Variants in GABRA2 observed in about 807,000 individuals in gnomAD.
The protein encoded by GABRA2 is gamma-aminobutyric acid type A receptor subunit alpha2.
In GABRA2, 16 loss-of-function variants were observed where a neutral mutation model predicts 48.7. The observed-to-expected ratio is 0.33, with a 90% CI of 0.22 to 0.50. The LOEUF is 0.50. Among genes scored for constraint, GABRA2 ranks in the 20% least tolerant of loss-of-function variants. GABRA2 has a pLI of 0.98. For synonymous variants in GABRA2, 185 were observed against 184.5 expected, an observed-to-expected ratio of 1.00 and a Z score of -0.02; for missense variants, 275 against 535.6, an observed-to-expected ratio of 0.51 and a Z score of 4.80.
chr4:46,354,348 A>T (rs1355961234), intron 3 of GABRA2, among the ~76,000 whole-genome samples: 1 of 152,170 alleles, frequency 6.6e-6, no homozygotes, highest in Non-Finnish European at 1.5e-5. Flanking sequence ...GTGTGTAGGA[A>T]AGGATTTAAG....
intron 3 of GABRA2, among the ~76,000 whole-genome samples, chr4:46,385,452 A>G (rs1052925976): frequency 1.3e-5 from 2 of 151,840 alleles, no homozygotes; most frequent in Non-Finnish European, 2.9e-5. Flanking sequence ...TATTTATTTT[A>G]TTTTTCTGAA....
chr4:46,252,738 A>G (rs1023446634), intron 9 of GABRA2, among the ~76,000 whole-genome samples: 29 of 151,646 alleles, frequency 1.9e-4, no homozygotes, highest in African/African-American at 7.0e-4. Flanking sequence ...TATAACATAT[A>G]GCGTTTATAT....
intron 3 of GABRA2, chr4:46,364,799 G>A (rs1023124158): frequency 6.6e-6 from 1 of 152,134 alleles, no homozygotes; most frequent in Non-Finnish European, 1.5e-5. Flanking sequence ...CTCGGATAAT[G>A]TCCCTTTCTT....
chr4:46,252,279 C>T (rs1714929081), intron 9 of GABRA2, among the ~76,000 whole-genome samples: 1 of 151,418 alleles, frequency 6.6e-6, no homozygotes, highest in Admixed American at 6.6e-5. Flanking sequence ...TTTGTAAAAG[C>T]TACAAAATAT....
chr4:46,356,806 TTATTCACTACCCATAAATAAC>T (rs1736048543), intron 3 of GABRA2, among the ~76,000 whole-genome samples: 1 of 152,120 alleles, frequency 6.6e-6, no homozygotes, highest in African/African-American at 2.4e-5. Flanking sequence ...AGAGGGGACA[TTATTCACTACCCATAAATAAC>T]TATTCACTAC....
At chr4:46,303,162 AAG>A (rs1726041094) in intron 8 of GABRA2, 2 of 274,200 alleles carry the variant, frequency 7.3e-6, no homozygotes, top group Non-Finnish European at 6.8e-6. Context: ...AAAAAAAAAA[AAG>A]AAAATTCACC....
intron 3 of GABRA2, among the ~76,000 whole-genome samples, chr4:46,377,920 G>C: frequency 6.7e-6 from 1 of 150,250 alleles, no homozygotes; most frequent in Admixed American, 6.6e-5. Flanking sequence ...GCCTCTGCCC[G>C]GCCGCCCCTA....
chr4:46,258,134 T>A (rs1030337339), intron 9 of GABRA2, among the ~76,000 whole-genome samples: 1 of 151,744 alleles, frequency 6.6e-6, no homozygotes, highest in Non-Finnish European at 1.5e-5. Flanking sequence ...CCTTGAATAG[T>A]GAAATGAAGG....
chr4:46,354,188 G>A (rs1277384493), intron 3 of GABRA2, among the ~76,000 whole-genome samples: 1 of 152,072 alleles, frequency 6.6e-6, no homozygotes. Context: ...AAAAAAGTTT[G>A]TTACTTGCCC....
chr4:46,358,035 G>C (rs966674611), intron 3 of GABRA2, among the ~76,000 whole-genome samples: 15 of 152,088 alleles, frequency 9.9e-5, no homozygotes, highest in Non-Finnish European at 2.2e-4. Context: ...ACGTTAGTAT[G>C]AGTATACTAG....
intron 8 of GABRA2, among the ~76,000 whole-genome samples, chr4:46,270,888 T>A (rs1333711224): frequency 2.0e-5 from 3 of 151,848 alleles, no homozygotes; most frequent in African/African-American, 7.2e-5. Flanking sequence ...GACACTGCTG[T>A]AGCAGCTTCC....
At chr4:46,311,505 T>A (rs1161452596) in intron 5 of GABRA2, among the ~76,000 whole-genome samples, 1 of 152,180 alleles carries the variant, frequency 6.6e-6, no homozygotes, top group Admixed American at 6.6e-5. Context: ...AGATTTGTTA[T>A]TTTTTTCTTA....
chr4:46,322,296 A>G (rs1729588410), intron 4 of GABRA2, among the ~76,000 whole-genome samples: 1 of 151,942 alleles, frequency 6.6e-6, no homozygotes, highest in Non-Finnish European at 1.5e-5. Context: ...AATGTGAGAA[A>G]GGGAGTTTGA....
At chr4:46,347,562 C>A (rs539164004) in intron 3 of GABRA2, among the ~76,000 whole-genome samples, 3 of 151,702 alleles carry the variant, frequency 2.0e-5, no homozygotes, top group African/African-American at 7.3e-5. Context: ...GAAATTGGAC[C>A]CTTATCTTAT....
At chr4:46,315,974 T>G (rs1259217895) in intron 4 of GABRA2, among the ~76,000 whole-genome samples, 2 of 151,702 alleles carry the variant, frequency 1.3e-5, no homozygotes, top group Admixed American at 6.6e-5. Context: ...CATATATATA[T>G]AGTGTGTCAC....
chr4:46,283,772 T>C (rs1474434875), intron 8 of GABRA2, among the ~76,000 whole-genome samples: 1 of 152,216 alleles, frequency 6.6e-6, no homozygotes, highest in Non-Finnish European at 1.5e-5. Context: ...TGTTTGTTTG[T>C]TTTTTGAGAC....
chr4:46,389,056 G>T lies in GABRA2; in HGVS notation c.-10-340C>A, dbSNP rs1017204009. 2.5e-5 allele frequency: 26 copies of T among 1,042,092 alleles called. No homozygotes were observed. In the African/African-American group the frequency reaches 4.1e-4, roughly 16 times the overall value. The allele number at this position is 1,042,092 out of a possible 1,614,324, so 64.6% of individuals were successfully genotyped here. On this transcript the variant is annotated intron_variant, in intron 1 of 9. Coordinates refer to ENST00000381620, the MANE Select transcript of GABRA2 (RefSeq NM_000807.4). ...TGCGCACACGTAATAATAACACCCT[G>T]GACTTTAAACTGGCATAGCAGCTGG... is the stretch of plus-strand genomic sequence containing the variant.
intron 8 of GABRA2, among the ~76,000 whole-genome samples, chr4:46,288,763 C>T (rs752637088): frequency 2.0e-5 from 3 of 151,838 alleles, no homozygotes; most frequent in African/African-American, 2.4e-5. Context: ...AAACTATCAA[C>T]GGAGTGAAAA....
At chr4:46,339,371 C>T (rs1443638141) in intron 3 of GABRA2, among the ~76,000 whole-genome samples, 1 of 151,704 alleles carries the variant, frequency 6.6e-6, no homozygotes. Flanking sequence ...CTATATCCTC[C>T]CAATAGAAGT....
Sources: allele counts gnomAD v4.1 joint callset (sites outside exome capture counted in the v4.1 genomes callset), GRCh38; gene constraint gnomAD v4.1.1; transcripts MANE v1.5; gene names NCBI Gene and HGNC (gene_info 2026-07-23, HGNC 2026-07-21).